Variants in SPATA17 observed in about 807,000 individuals in gnomAD.
The protein encoded by SPATA17 is spermatogenesis-associated protein 17.
SPATA17 carries 53 observed loss-of-function variants against 62.2 expected under a neutral mutation model. That is an observed-to-expected ratio of 0.85 (90% CI 0.68 to 1.07). The LOEUF is 1.07. Ranked by LOEUF, SPATA17 falls within the 50% of genes least tolerant of loss-of-function variation. The pLI is 0.00. For missense variants in SPATA17, 466 were observed against 425.5 expected (o/e 1.10, Z -0.84); for synonymous variants, 146 against 146.8 (o/e 0.99, Z 0.04).
intron 9 of SPATA17, among the ~76,000 whole-genome samples, chr1:217,806,391 C>G (rs1259601849): frequency 6.6e-6 from 1 of 152,144 alleles, no homozygotes; most frequent in East Asian, 1.9e-4. Context: ...TCTTTGAAAC[C>G]TAGAAGGAAA....
intron 6 of SPATA17, among the ~76,000 whole-genome samples, chr1:217,746,161 T>C (rs1672746058): frequency 1.3e-5 from 2 of 152,052 alleles, no homozygotes; most frequent in South Asian, 4.1e-4. Flanking sequence ...AAATAAGAAT[T>C]GATACTGTTC....
In SPATA17 at chr1:217,740,175, T is replaced by A. The variant is rs1055666123; in HGVS notation, c.396-1800T>A. Among the ~76,000 whole-genome samples the A allele has an allele frequency of 8.8e-5, 13 of 147,334 alleles. 1 individual carries two copies. The highest frequency in any genetic ancestry group is 3.1e-4 in the African/African-American group (13 of 41,288). The stretch of plus-strand genomic sequence containing the variant: ...ATTATATTAGGCCTTTCTTCTTATA[T>A]AAGACCTTTTCATATTTATTAAATT... On this transcript the variant is annotated intron_variant, in intron 5 of 10. Transcript: ENST00000366933.
At chr1:217,675,449 A>G (rs1282746341) in intron 4 of SPATA17, among the ~76,000 whole-genome samples, 5 of 152,110 alleles carry the variant, frequency 3.3e-5, no homozygotes, top group Non-Finnish European at 7.4e-5. Context: ...TTTGACACCA[A>G]TTTCTGATAT....
At chr1:217,851,456 A>G (rs998579608) in intron 9 of SPATA17, among the ~76,000 whole-genome samples, 3 of 152,160 alleles carry the variant, frequency 2.0e-5, no homozygotes, top group African/African-American at 2.4e-5. Context: ...TCCTTTTAGA[A>G]ACAGCATTTG....
intron 6 of SPATA17, among the ~76,000 whole-genome samples, chr1:217,743,217 T>C (rs927342915): frequency 1.3e-5 from 2 of 152,026 alleles, no homozygotes; most frequent in African/African-American, 4.8e-5. Flanking sequence ...CTCTAGACTT[T>C]AAATACTTAG....
At chr1:217,812,411 T>A (rs182553096) in intron 9 of SPATA17, among the ~76,000 whole-genome samples, 3 of 152,254 alleles carry the variant, frequency 2.0e-5, no homozygotes, top group Admixed American at 1.3e-4. Flanking sequence ...TTCTCAAAAG[T>A]ATGAAAATCA....
chr1:217,798,536 G>A (rs1221228717), intron 8 of SPATA17, among the ~76,000 whole-genome samples: 1 of 152,166 alleles, frequency 6.6e-6, no homozygotes. Flanking sequence ...GAAAATGTCA[G>A]ACTTCTGTGG....
chr1:217,801,578 G>A, intron 8 of SPATA17, 140 bp from the exon 9 acceptor site: 1 of 576,344 alleles, frequency 1.7e-6, no homozygotes, highest in South Asian at 3.9e-5. Context: ...CAGTGGCAGA[G>A]GTTGAAATGG....
At position 217,769,642 on chromosome 1, in the gene SPATA17, C is replaced by A. The variant is rs191635832; in HGVS notation, c.520-4692C>A. On this transcript the variant is annotated intron_variant, in intron 6 of 10. Transcript: ENST00000366933. ...GTATGGCTCAAAACATTTAAAAATT[C>A]CTTCTTAACTAAAGTAAAACAAAGA... Among the ~76,000 whole-genome samples the A allele has an allele frequency of 2.0e-5, 3 of 152,248 alleles. No homozygotes were observed. The East Asian group carries it at 5.8e-4, about 29-fold the overall frequency.
intron 6 of SPATA17, among the ~76,000 whole-genome samples, chr1:217,744,462 CAAAA>C (rs766645844): frequency 3.3e-5 from 1 of 30,612 alleles, no homozygotes; most frequent in African/African-American, 8.7e-5. Context: ...GACTCCGTCT[CAAAA>C]AAAAAAAAAA....
At chr1:217,768,402 G>T (rs911459985) in intron 6 of SPATA17, among the ~76,000 whole-genome samples, 3 of 152,016 alleles carry the variant, frequency 2.0e-5, no homozygotes, top group African/African-American at 7.3e-5. Flanking sequence ...TTCTTTAACA[G>T]AGGCATATGG....
chr1:217,866,130 TAA>T (rs1349998311), intron 10 of SPATA17, among the ~76,000 whole-genome samples: 2 of 152,174 alleles, frequency 1.3e-5, no homozygotes, highest in African/African-American at 4.8e-5. Flanking sequence ...ATTAAGCATA[TAA>T]GTTATATGTG....
intron 7 of SPATA17, among the ~76,000 whole-genome samples, chr1:217,778,310 C>A (rs764273642): frequency 9.9e-5 from 15 of 152,092 alleles, no homozygotes; most frequent in Non-Finnish European, 2.2e-4. Flanking sequence ...CCTACGAGGT[C>A]AGGAGTTCGA....
intron 1 of SPATA17, among the ~76,000 whole-genome samples, chr1:217,640,603 G>T (rs983261497): frequency 6.6e-6 from 1 of 151,914 alleles, no homozygotes; most frequent in Admixed American, 6.6e-5. Flanking sequence ...GTACAAGGGC[G>T]TTCATTAAAG....
chr1:217,828,673 G>A (rs950864536), intron 9 of SPATA17, among the ~76,000 whole-genome samples: 15 of 151,766 alleles, frequency 9.9e-5, no homozygotes, highest in Admixed American at 2.6e-4. Flanking sequence ...CCTACAAACT[G>A]GGGAAAAAAA....
chr1:217,814,646 G>C (rs888780282), intron 9 of SPATA17, among the ~76,000 whole-genome samples: 4 of 152,012 alleles, frequency 2.6e-5, no homozygotes, highest in Admixed American at 2.6e-4. Flanking sequence ...CTAGGAGTTT[G>C]AGACCAGCCT....
chr1:217,670,341 C>T (rs1281439187), intron 4 of SPATA17, among the ~76,000 whole-genome samples: 1 of 152,110 alleles, frequency 6.6e-6, no homozygotes, highest in Non-Finnish European at 1.5e-5. Flanking sequence ...TCCTCCCTCC[C>T]TTCTGCGCTT....
At chr1:217,653,653 G>C (rs1014566800) in intron 3 of SPATA17, among the ~76,000 whole-genome samples, 1 of 142,106 alleles carries the variant, frequency 7.0e-6, no homozygotes, top group Non-Finnish European at 1.5e-5. Context: ...ACATTGGACA[G>C]TGAGCCAATG....
In SPATA17 at chr1:217,801,750, A is replaced by G. The variant is rs1558056694; in HGVS notation, c.905A>G (p.Glu302Gly). 1 of 1,607,366 alleles carries G rather than the reference A, an allele frequency of 6.2e-7. No homozygotes were observed. The highest frequency in any genetic ancestry group is 1.3e-5 in the African/African-American group (1 of 74,690). The change falls in exon 9 of 11, where the codon GAA (glutamate) becomes GGA (glycine). Residue 302 changes from glutamate to glycine, a missense_variant. Physicochemically the swap from Glu to Gly is moderately conservative, Grantham distance 98. Transcript: ENST00000366933. Reference protein sequence around the residue: ...FLPFSSYHKNEKYIPSMHLSS... With the variant: ...FLPFSSYHKNGKYIPSMHLSS... The stretch of plus-strand genomic sequence containing the variant: ...CCATTTTCTTCATACCATAAAAATG[A>G]AAAGTACATCCCATCAATGCATTTA...
Sources: allele counts gnomAD v4.1 joint callset (sites outside exome capture counted in the v4.1 genomes callset), GRCh38; gene constraint gnomAD v4.1.1; transcripts MANE v1.5; gene names NCBI Gene and HGNC (gene_info 2026-07-23, HGNC 2026-07-21).